Variants in TSHR observed in about 807,000 individuals in gnomAD.
TSHR encodes thyroid stimulating hormone receptor.
Under a neutral mutation model 64.1 loss-of-function variants are expected in TSHR, and 51 were observed. That is an observed-to-expected ratio of 0.80 (90% CI 0.64 to 1.01). The LOEUF (loss-of-function observed/expected upper bound fraction) is 1.01, where lower values mean the gene tolerates loss of function less well. TSHR is among the 50% of genes least tolerant of loss of function. TSHR has a pLI of 0.00. For synonymous variants in TSHR, 361 were observed against 361.9 expected (o/e 1.00, Z 0.03); for missense variants, 877 against 942.8 (o/e 0.93, Z 0.91).
chr14:80,997,752 C>T (rs184627636), intron 1 of TSHR, among the ~76,000 whole-genome samples: 3 of 152,220 alleles, frequency 2.0e-5, no homozygotes, highest in African/African-American at 7.2e-5. Context: ...GTAAGATTAT[C>T]CTGGGTGTTG....
intron 1 of TSHR, among the ~76,000 whole-genome samples, chr14:81,037,448 A>AAAAAC (rs1273226258): frequency 9.4e-4 from 120 of 128,278 alleles, no homozygotes; most frequent in East Asian, 5.5e-3. Flanking sequence ...AACAAACAAA[A>AAAAAC]AACAGAAAAT....
intron 8 of TSHR, among the ~76,000 whole-genome samples, chr14:81,111,353 T>C (rs1890217555): frequency 6.6e-6 from 1 of 152,240 alleles, no homozygotes; most frequent in Non-Finnish European, 1.5e-5. Context: ...ATGGGCACCA[T>C]ACGTTGAGTA....
At chr14:81,107,331 C>T (rs1889962620) in intron 7 of TSHR, among the ~76,000 whole-genome samples, 1 of 152,178 alleles carries the variant, frequency 6.6e-6, no homozygotes, top group South Asian at 2.1e-4. Flanking sequence ...CTGCTATATT[C>T]TTTTGCATCA....
At chr14:81,115,877 A>G (rs1408015839) in intron 8 of TSHR, among the ~76,000 whole-genome samples, 1 of 151,724 alleles carries the variant, frequency 6.6e-6, no homozygotes, top group Non-Finnish European at 1.5e-5. Context: ...GCCAATATTC[A>G]ACATTCTTCA....
intron 3 of TSHR, among the ~76,000 whole-genome samples, chr14:81,083,844 CA>C (rs2139954672): frequency 6.6e-6 from 1 of 152,242 alleles, no homozygotes; most frequent in East Asian, 1.9e-4. Flanking sequence ...ACAATAATGA[CA>C]GAAGGGGAAG....
chr14:80,989,414 A>C (rs1445499647), intron 1 of TSHR, among the ~76,000 whole-genome samples: 5 of 152,228 alleles, frequency 3.3e-5, no homozygotes, highest in Non-Finnish European at 5.9e-5. Flanking sequence ...TTAACATGGC[A>C]GTCGACATCT....
intron 1 of TSHR, among the ~76,000 whole-genome samples, chr14:80,981,235 G>A (rs140485951): frequency 1.6e-4 from 24 of 152,312 alleles, no homozygotes; most frequent in African/African-American, 4.3e-4. Context: ...TACTATCTCA[G>A]CTTGGGAGGT....
intron 1 of TSHR, chr14:81,001,804 C>A (rs1889336270): frequency 6.2e-6 from 2 of 324,244 alleles, no homozygotes; most frequent in South Asian, 5.4e-5. Flanking sequence ...ACTATTTTCA[C>A]AGATCACCTC....
intron 1 of TSHR, among the ~76,000 whole-genome samples, chr14:81,022,221 G>C (rs1033453970): frequency 5.9e-5 from 9 of 152,082 alleles, no homozygotes; most frequent in Non-Finnish European, 1.3e-4. Flanking sequence ...AGTGAGCCGA[G>C]ATAGTGCCAC....
At chr14:81,120,380 T>A (rs893126728) in intron 8 of TSHR, among the ~76,000 whole-genome samples, 4 of 152,152 alleles carry the variant, frequency 2.6e-5, no homozygotes, top group Non-Finnish European at 4.4e-5. Flanking sequence ...GTTTTCAGTG[T>A]ACAGATCTTT....
intron 1 of TSHR, among the ~76,000 whole-genome samples, chr14:81,045,794 A>G (rs150580369): frequency 5.2e-4 from 79 of 152,356 alleles, no homozygotes; most frequent in African/African-American, 1.5e-3. Context: ...CTACAGCTAC[A>G]TAAGTATTTA....
At chr14:81,102,962 AC>A in intron 7 of TSHR, 1 of 985,382 alleles carries the variant, frequency 1.0e-6, no homozygotes, top group Non-Finnish European at 1.2e-6. Flanking sequence ...CAAGCTGGAA[AC>A]TGCTCCTGTT....
intron 8 of TSHR, among the ~76,000 whole-genome samples, chr14:81,111,356 G>T (rs1015331221): frequency 6.6e-6 from 1 of 152,216 alleles, no homozygotes; most frequent in Non-Finnish European, 1.5e-5. Flanking sequence ...GGCACCATAC[G>T]TTGAGTAGCA....
intron 1 of TSHR, among the ~76,000 whole-genome samples, chr14:80,978,732 G>A (rs919648798): frequency 1.3e-5 from 2 of 152,150 alleles, no homozygotes; most frequent in African/African-American, 2.4e-5. Flanking sequence ...TTTCCTGGAG[G>A]GAGATCTGAG....
Position 81,018,012 on chromosome 14 carries a change from G to A in TSHR, c.171-44136G>A, listed in dbSNP as rs375231784. 1.1e-4 allele frequency among the ~76,000 whole-genome samples: 17 copies of A among 152,086 alleles called. No individual in the cohort carries two copies. The East Asian group carries it at 2.7e-3, about 24-fold the overall frequency. ...ACCTGGCCAATTTTTTGTATTGTTA[G>A]TAGAGATGAGGTTTCATCATGTTGG... On this transcript the variant is annotated intron_variant, in intron 1 of 9. Transcript: ENST00000298171.
At chr14:81,121,106 T>G (rs1006367424) in intron 8 of TSHR, among the ~76,000 whole-genome samples, 1 of 151,730 alleles carries the variant, frequency 6.6e-6, no homozygotes, top group African/African-American at 2.4e-5. Flanking sequence ...TGAAAAATAG[T>G]GTAGCAGATT....
chr14:80,986,474 TTTTGTTTGTTTTTTG>T (rs1211004289), intron 1 of TSHR, among the ~76,000 whole-genome samples: 11 of 150,116 alleles, frequency 7.3e-5, no homozygotes, highest in South Asian at 2.1e-4. Flanking sequence ...TCATTCTTTT[TTTTGTTTGTTTTTTG>T]TTTGTTTGTT....
chr14:81,023,692 T>C (rs1170697266), intron 1 of TSHR, among the ~76,000 whole-genome samples: 1 of 152,206 alleles, frequency 6.6e-6, no homozygotes, highest in Non-Finnish European at 1.5e-5. Flanking sequence ...GTTCTCATTG[T>C]ACAGGCCTTC....
At chr14:81,093,901 T>C (rs1274854091) in intron 6 of TSHR, among the ~76,000 whole-genome samples, 1 of 152,196 alleles carries the variant, frequency 6.6e-6, no homozygotes, top group Non-Finnish European at 1.5e-5. Context: ...AACTCCTACA[T>C]GCTAAACTTC....
Sources: gnomAD v4.1 joint callset for allele counts (sites outside exome capture counted in the v4.1 genomes callset) on GRCh38, gnomAD v4.1.1 for gene constraint, MANE v1.5 for transcripts, NCBI Gene and HGNC (gene_info 2026-07-23, HGNC 2026-07-21) for gene names.